Variants in RNLS observed in about 807,000 individuals in gnomAD.
RNLS encodes the protein renalase.
In RNLS, 39 loss-of-function variants were observed where a neutral mutation model predicts 39.8. That is an observed-to-expected ratio of 0.98 (90% CI 0.76 to 1.28). The LOEUF is 1.28. RNLS is among the 50% of genes most tolerant of loss of function. The pLI is 0.00. For synonymous variants in RNLS, 147 were observed against 150.7 expected (o/e 0.98, Z 0.18); for missense variants, 410 against 413.3 (o/e 0.99, Z 0.07).
At chr10:88,371,903 A>G (rs1850588935) in intron 4 of RNLS, among the ~76,000 whole-genome samples, 1 of 152,184 alleles carries the variant, frequency 6.6e-6, no homozygotes, top group Admixed American at 6.6e-5. Flanking sequence ...TTATAGGACA[A>G]TAAAGTTCAT....
the RNLS span, among the ~76,000 whole-genome samples, chr10:88,252,193 C>G: frequency 6.6e-6 from 1 of 152,162 alleles, no homozygotes; most frequent in Non-Finnish European, 1.5e-5. Context: ...TCTTCTCCCT[C>G]TATCTCGTCA....
At chr10:88,437,998 T>G (rs1439130370) in intron 4 of RNLS, among the ~76,000 whole-genome samples, 1 of 151,982 alleles carries the variant, frequency 6.6e-6, no homozygotes, top group African/African-American at 2.4e-5. Context: ...TGGTAGCACA[T>G]GCCTGTAATC....
At chr10:88,360,167 A>G (rs1849525389) in intron 5 of RNLS, among the ~76,000 whole-genome samples, 1 of 152,238 alleles carries the variant, frequency 6.6e-6, no homozygotes, top group Non-Finnish European at 1.5e-5. Flanking sequence ...GACATTATTG[A>G]TTGCTAATCC....
chr10:88,443,433 G>A (rs533925089), intron 4 of RNLS, among the ~76,000 whole-genome samples: 5 of 152,308 alleles, frequency 3.3e-5, no homozygotes, highest in East Asian at 3.9e-4. Flanking sequence ...CTGAGGTACC[G>A]GGTTCATCTC....
chr10:88,421,500 T>A (rs369512377), intron 4 of RNLS, among the ~76,000 whole-genome samples: 1 of 152,188 alleles, frequency 6.6e-6, no homozygotes, highest in South Asian at 2.1e-4. Context: ...GCTTCTCATA[T>A]GTGTTCATTT....
At chr10:88,394,666 C>G (rs1475870780) in intron 4 of RNLS, among the ~76,000 whole-genome samples, 2 of 151,726 alleles carry the variant, frequency 1.3e-5, no homozygotes, top group African/African-American at 4.8e-5. Context: ...ACTAGAAATA[C>G]CATTTGACCC....
At chr10:88,257,056 AT>A in the RNLS span, among the ~76,000 whole-genome samples, 7 of 149,282 alleles carry the variant, frequency 4.7e-5, no homozygotes, top group Admixed American at 2.0e-4. Context: ...AAAAAAAAAA[AT>A]GTTTGATGTC....
At chr10:88,535,475 A>T (rs1262602842) in intron 4 of RNLS, among the ~76,000 whole-genome samples, 3 of 152,070 alleles carry the variant, frequency 2.0e-5, no homozygotes, top group African/African-American at 7.2e-5. Flanking sequence ...AAGAATAGTT[A>T]ATGGATGCTG....
intron 4 of RNLS, among the ~76,000 whole-genome samples, chr10:88,413,636 T>A (rs766494440): frequency 1.3e-5 from 2 of 152,168 alleles, no homozygotes; most frequent in African/African-American, 4.8e-5. Flanking sequence ...GGTGAAATGA[T>A]GGGGGTTGTA....
At chr10:88,385,681 G>A (rs2133547617) in intron 4 of RNLS, among the ~76,000 whole-genome samples, 1 of 152,312 alleles carries the variant, frequency 6.6e-6, no homozygotes, top group Non-Finnish European at 1.5e-5. Context: ...CTGGTGCAGA[G>A]GTTGCTGGGA....
intron 4 of RNLS, among the ~76,000 whole-genome samples, chr10:88,438,271 G>A (rs914993911): frequency 6.6e-6 from 1 of 152,138 alleles, no homozygotes; most frequent in Admixed American, 6.5e-5. Context: ...ACACTCTGAC[G>A]ATGGCAGAAG....
chr10:88,514,676 T>C (rs1196228675), intron 4 of RNLS, among the ~76,000 whole-genome samples: 2 of 152,118 alleles, frequency 1.3e-5, no homozygotes, highest in Non-Finnish European at 2.9e-5. Flanking sequence ...TATGTCCTTT[T>C]ATGGCATGCT....
intron 5 of RNLS, among the ~76,000 whole-genome samples, chr10:88,330,887 T>G (rs1385847216): frequency 6.6e-6 from 1 of 152,130 alleles, no homozygotes; most frequent in East Asian, 1.9e-4. Flanking sequence ...CTACAGTAAT[T>G]AAAATAGGCT....
chr10:88,343,468 C>T, intron 5 of RNLS: 1 of 811,582 alleles, frequency 1.2e-6, no homozygotes, highest in Non-Finnish European at 1.5e-6. Context: ...TGAAAGTAGG[C>T]AATCAAGAGC....
chr10:88,504,154 C>A (rs373531085), intron 4 of RNLS, among the ~76,000 whole-genome samples: 1 of 152,092 alleles, frequency 6.6e-6, no homozygotes, highest in Non-Finnish European at 1.5e-5. Context: ...CATGAGAGAT[C>A]CTGAATCAAG....
At chr10:88,193,966 T>TGGC in the RNLS span, among the ~76,000 whole-genome samples, 1 of 152,226 alleles carries the variant, frequency 6.6e-6, no homozygotes, top group Non-Finnish European at 1.5e-5. Context: ...ACTACTCCTC[T>TGGC]TGGCTAATTG....
At chr10:88,469,909 C>T (rs1050596190) in intron 4 of RNLS, among the ~76,000 whole-genome samples, 1 of 130,976 alleles carries the variant, frequency 7.6e-6, no homozygotes, top group Non-Finnish European at 1.8e-5. Context: ...ATGTTGAATA[C>T]ATACATACAT....
At chr10:88,257,391 AC>A in the RNLS span, among the ~76,000 whole-genome samples, 3 of 152,178 alleles carry the variant, frequency 2.0e-5, no homozygotes, top group Non-Finnish European at 1.5e-5. Context: ...TAGCGTGCAC[AC>A]TATATTGGCT....
the RNLS span, among the ~76,000 whole-genome samples, chr10:88,255,852 C>T: frequency 6.6e-6 from 1 of 152,218 alleles, no homozygotes; most frequent in Non-Finnish European, 1.5e-5. Context: ...CCTAGGGCAG[C>T]ACATCTCTTC....
Sources: gnomAD v4.1 joint callset for allele counts (sites outside exome capture counted in the v4.1 genomes callset) on GRCh38, gnomAD v4.1.1 for gene constraint, MANE v1.5 for transcripts, NCBI Gene and HGNC (gene_info 2026-07-23, HGNC 2026-07-21) for gene names.